Variants in RABGAP1L observed in about 807,000 individuals in gnomAD.
The protein encoded by RABGAP1L is RAB GTPase activating protein 1 like, also known as rab GTPase-activating protein 1-like.
A neutral mutation model predicts 137.7 loss-of-function variants in RABGAP1L; 63 were observed. That is an observed-to-expected ratio of 0.46 (90% CI 0.37 to 0.56). The LOEUF is 0.56. Ranked by LOEUF, RABGAP1L falls within the 20% of genes least tolerant of loss-of-function variation. The pLI is 0.00. For synonymous variants in RABGAP1L, 431 were observed against 433.7 expected (o/e 0.99, Z 0.08); for missense variants, 1,095 against 1,244.0 (o/e 0.88, Z 1.80).
At chr1:174,280,842 C>G (rs1261701338) in intron 10 of RABGAP1L, among the ~76,000 whole-genome samples, 1 of 152,114 alleles carries the variant, frequency 6.6e-6, no homozygotes, top group Non-Finnish European at 1.5e-5. Flanking sequence ...AGCCGCGGAC[C>G]CTTGCGGTGA....
chr1:174,492,411 C>T (rs983810393), intron 13 of RABGAP1L, among the ~76,000 whole-genome samples: 11 of 148,616 alleles, frequency 7.4e-5, no homozygotes, highest in Non-Finnish European at 1.0e-4. Context: ...TGCAGTGGCA[C>T]GATCTTGGCT....
At chr1:174,300,675 G>C (rs1677610022) in intron 10 of RABGAP1L, among the ~76,000 whole-genome samples, 1 of 152,000 alleles carries the variant, frequency 6.6e-6, no homozygotes, top group South Asian at 2.1e-4. Flanking sequence ...CACTTTGGGA[G>C]GCCAAGGTGG....
intron 10 of RABGAP1L, among the ~76,000 whole-genome samples, chr1:174,289,540 C>T (rs1388170568): frequency 2.0e-5 from 3 of 152,116 alleles, no homozygotes; most frequent in Non-Finnish European, 4.4e-5. Flanking sequence ...ATCATGTTTC[C>T]CTGATTCTTT....
At chr1:174,365,216 G>C (rs1558168848) in intron 11 of RABGAP1L, 1 of 152,304 alleles carries the variant, frequency 6.6e-6, no homozygotes, top group African/African-American at 2.4e-5. Flanking sequence ...AGCCATCTCT[G>C]TCTGTTTTCC....
chr1:174,278,565 A>G (rs1675213106), intron 9 of RABGAP1L, 48 bp from the exon 10 acceptor site: 1 of 1,467,990 alleles, frequency 6.8e-7, no homozygotes, highest in Non-Finnish European at 9.4e-7. Context: ...TTTAAAGTAG[A>G]CAAGGAATAA....
intron 13 of RABGAP1L, among the ~76,000 whole-genome samples, chr1:174,476,166 G>C (rs1658486404): frequency 6.6e-6 from 1 of 152,104 alleles, no homozygotes; most frequent in Non-Finnish European, 1.5e-5. Flanking sequence ...TGTAAGAGAA[G>C]ATCTTACCTA....
chr1:174,843,458 A>G (rs1693681055), intron 19 of RABGAP1L, among the ~76,000 whole-genome samples: 1 of 148,520 alleles, frequency 6.7e-6, no homozygotes, highest in African/African-American at 2.5e-5. Context: ...ATTCCCACCT[A>G]TGAGGGAGAA....
intron 13 of RABGAP1L, among the ~76,000 whole-genome samples, chr1:174,394,960 TTA>T (rs1441221796): frequency 4.1e-5 from 6 of 147,792 alleles, no homozygotes; most frequent in African/African-American, 4.9e-5. Context: ...TTTTTTTTTT[TTA>T]ATTTAACTTT....
rs1317176680 is a variant in RABGAP1L, at chr1:174,846,233, C to G, written c.2340+34273C>G. On this transcript the variant is annotated intron_variant, in intron 19 of 25. Transcript: ENST00000681986. Reference sequence around the variant, plus strand: ...TTTTGTGTCTCTATTTCCTTCAGTTCTGCTCTGATTTTAGTTATTTCTTGC... The same window carrying G: ...TTTTGTGTCTCTATTTCCTTCAGTTGTGCTCTGATTTTAGTTATTTCTTGC... 9.3e-3 allele frequency among the ~76,000 whole-genome samples: 1,328 copies of G among 142,730 alleles called. 19 individuals carry two copies. The highest frequency in any genetic ancestry group is 0.031 in the African/African-American group (1,184 of 38,782). 93.6% of individuals were successfully genotyped at this position (142,730 alleles called of 152,430 possible).
rs1176623265 is a variant in RABGAP1L, at chr1:174,991,628, T to A, written c.*1627T>A. ...TGATTGTTATGTTATACTCATCAGA[T>A]AATACTTTTCTTACATAAATCTTTC... On this transcript the variant is annotated 3_prime_UTR_variant, in exon 26 of 26. Transcript: ENST00000681986. 1 of 152,230 alleles carries A rather than the reference T, an allele frequency of 6.6e-6. No individual in the cohort carries two copies. Among genetic ancestry groups the A allele is most frequent in the South Asian group, 2.1e-4 (1 of 4,828 alleles). The allele number at this position is 152,230 out of a possible 1,614,324, so 9.4% of individuals were successfully genotyped here. A position where few individuals can be genotyped will look rare whatever the true frequency, so the allele number is the denominator to read the frequency against.
intron 15 of RABGAP1L, among the ~76,000 whole-genome samples, chr1:174,697,015 C>A (rs1383129881): frequency 4.6e-5 from 7 of 152,170 alleles, no homozygotes; most frequent in Non-Finnish European, 8.8e-5. Flanking sequence ...ATTCCCTAGT[C>A]TAGGACTTCT....
intron 11 of RABGAP1L, among the ~76,000 whole-genome samples, chr1:174,328,012 T>TATATATATATAC (rs1558136528): frequency 2.5e-5 from 3 of 120,982 alleles, no homozygotes; most frequent in African/African-American, 8.2e-5. Flanking sequence ...TATATATATA[T>TATATATATATAC]ATATATATAT....
intron 13 of RABGAP1L, among the ~76,000 whole-genome samples, chr1:174,472,517 C>T (rs1260192545): frequency 2.0e-5 from 3 of 152,080 alleles, no homozygotes; most frequent in Admixed American, 2.0e-4. Flanking sequence ...TGAAAAGATA[C>T]AAAGCAAAAT....
chr1:174,411,591 G>A (rs1410187818), intron 13 of RABGAP1L, among the ~76,000 whole-genome samples: 1 of 151,694 alleles, frequency 6.6e-6, no homozygotes, highest in Non-Finnish European at 1.5e-5. Context: ...ATTTTGTTGG[G>A]GATTTTTCCA....
At chr1:174,672,277 C>G (rs111786699) in intron 14 of RABGAP1L, among the ~76,000 whole-genome samples, 1 of 116,760 alleles carries the variant, frequency 8.6e-6, no homozygotes, top group African/African-American at 3.8e-5. Flanking sequence ...TTTTTTTTTC[C>G]TTTCTTTTTT....
chr1:174,799,816 C>T (rs537277412), intron 18 of RABGAP1L: 3 of 997,458 alleles, frequency 3.0e-6, no homozygotes, highest in South Asian at 4.4e-5. Context: ...TGTCACGAAT[C>T]GAGGATTGCA....
chr1:174,503,059 T>C lies in RABGAP1L; in HGVS notation c.1710+108914T>C, dbSNP rs1242089318. 2.6e-5 allele frequency among the ~76,000 whole-genome samples: 4 copies of C among 152,222 alleles called. No individual in the cohort carries two copies. The East Asian group carries it at 7.7e-4, about 29-fold the overall frequency. On this transcript the variant is annotated intron_variant, in intron 13 of 25. Coordinates refer to ENST00000681986, the MANE Select transcript of RABGAP1L (RefSeq NM_001366446.1). The stretch of plus-strand genomic sequence containing the variant: ...GTGCAGACATGACCATGGGCATATG[T>C]GTTGGTGGGTGGGTAAGTGCTGTAT...
At chr1:174,784,601 T>C (rs1793298) in intron 18 of RABGAP1L, among the ~76,000 whole-genome samples, 95,416 of 152,042 alleles carry the variant, frequency 0.63, 33,321 homozygotes, top group East Asian at 0.93. Flanking sequence ...AAGGAGGTAA[T>C]TGAGACAAGT....
intron 19 of RABGAP1L, chr1:174,875,737 T>TA (rs1652980851): frequency 1.0e-6 from 1 of 967,120 alleles, no homozygotes; most frequent in Admixed American, 6.2e-5. Context: ...GGACACCTTA[T>TA]AATGCCTTGT....
Sources: allele counts gnomAD v4.1 joint callset (sites outside exome capture counted in the v4.1 genomes callset), GRCh38; gene constraint gnomAD v4.1.1; transcripts MANE v1.5; gene names NCBI Gene and HGNC (gene_info 2026-07-23, HGNC 2026-07-21).